The following LHFPL3 variants were observed in gnomAD, a reference collection of about 807,000 sequenced individuals.
LHFPL3 encodes LHFPL tetraspan subfamily member 3.
Under a neutral mutation model 19.3 loss-of-function variants are expected in LHFPL3, and 5 were observed. That is an observed-to-expected ratio of 0.26 (90% CI 0.14 to 0.54). The LOEUF (loss-of-function observed/expected upper bound fraction) is 0.54. LHFPL3 is among the 20% of genes least tolerant of loss of function. The pLI, the probability that LHFPL3 is intolerant of heterozygous loss-of-function variation, is 0.94. For synonymous variants in LHFPL3, 133 were observed against 126.2 expected, an observed-to-expected ratio of 1.05 and a Z score of -0.36; for missense variants, 249 against 307.4, an observed-to-expected ratio of 0.81 and a Z score of 1.42.
At chr7:104,338,093 C>CTTTTTTTTTTTTTTTT (rs71296520) in intron 1 of LHFPL3, among the ~76,000 whole-genome samples, 3 of 85,848 alleles carry the variant, frequency 3.5e-5, no homozygotes, top group African/African-American at 4.7e-5. Flanking sequence ...TTTCCTTTTT[C>CTTTTTTTTTTTTTTTT]TTTTTTTTTT....
intron 2 of LHFPL3, among the ~76,000 whole-genome samples, chr7:104,882,508 A>G (rs1022826664): frequency 2.0e-5 from 3 of 152,192 alleles, no homozygotes; most frequent in Non-Finnish European, 4.4e-5. Context: ...TTGGCCTCCC[A>G]AAGTGCTGGG....
At chr7:104,560,661 T>A (rs971973329) in intron 1 of LHFPL3, among the ~76,000 whole-genome samples, 2 of 151,248 alleles carry the variant, frequency 1.3e-5, no homozygotes, top group Non-Finnish European at 2.9e-5. Context: ...TTTTGAAGAG[T>A]TTTTTGTGTC....
chr7:104,422,950 G>T (rs1791762616), intron 1 of LHFPL3, among the ~76,000 whole-genome samples: 1 of 152,182 alleles, frequency 6.6e-6, no homozygotes, highest in East Asian at 1.9e-4. Flanking sequence ...AAGATTAATT[G>T]ATTCATTGAA....
At chr7:104,664,091 G>A (rs900768681) in intron 1 of LHFPL3, among the ~76,000 whole-genome samples, 2 of 152,122 alleles carry the variant, frequency 1.3e-5, no homozygotes, top group African/African-American at 4.8e-5. Context: ...AATGATTCTT[G>A]CCTGATAATA....
At chr7:104,599,147 T>A (rs1790918219) in intron 1 of LHFPL3, among the ~76,000 whole-genome samples, 1 of 152,218 alleles carries the variant, frequency 6.6e-6, no homozygotes, top group African/African-American at 2.4e-5. Flanking sequence ...GAGAAAACAT[T>A]ACTCTGGCTC....
At chr7:104,593,212 G>A (rs893592183) in intron 1 of LHFPL3, among the ~76,000 whole-genome samples, 2 of 152,036 alleles carry the variant, frequency 1.3e-5, no homozygotes, top group African/African-American at 4.8e-5. Flanking sequence ...TGTTTTGAGT[G>A]TGTCCCAGAG....
At chr7:104,682,823 G>T (rs1223770243) in intron 1 of LHFPL3, among the ~76,000 whole-genome samples, 4 of 152,084 alleles carry the variant, frequency 2.6e-5, no homozygotes, top group Non-Finnish European at 4.4e-5. Context: ...TTAATTCAGG[G>T]GGAATCATTT....
intron 1 of LHFPL3, among the ~76,000 whole-genome samples, chr7:104,432,339 C>T (rs1792018816): frequency 6.6e-6 from 1 of 152,166 alleles, no homozygotes; most frequent in Non-Finnish European, 1.5e-5. Context: ...AGAAGACTCC[C>T]TCTCATCAGT....
At chr7:104,732,734 C>T (rs539409109) in intron 1 of LHFPL3, among the ~76,000 whole-genome samples, 3 of 152,148 alleles carry the variant, frequency 2.0e-5, no homozygotes, top group South Asian at 4.2e-4. Flanking sequence ...TTCAGTTCTG[C>T]TCTCATCTTA....
intron 1 of LHFPL3, among the ~76,000 whole-genome samples, chr7:104,643,688 G>A (rs1440552698): frequency 1.3e-5 from 2 of 152,154 alleles, no homozygotes; most frequent in African/African-American, 4.8e-5. Flanking sequence ...GATGCAGCCT[G>A]GGCTTTTTAA....
At chr7:104,330,616 T>C (rs908397047) in intron 1 of LHFPL3, among the ~76,000 whole-genome samples, 1 of 152,160 alleles carries the variant, frequency 6.6e-6, no homozygotes, top group African/African-American at 2.4e-5. Context: ...TTGCCATATA[T>C]TGTAAAAGTG....
At chr7:104,654,713 GC>G (rs1792091505) in intron 1 of LHFPL3, among the ~76,000 whole-genome samples, 3 of 152,140 alleles carry the variant, frequency 2.0e-5, no homozygotes, top group Admixed American at 2.0e-4. Flanking sequence ...AGAACTAGGT[GC>G]CCCATGTTTT....
chr7:104,487,427 G>C (rs956140104), intron 1 of LHFPL3, among the ~76,000 whole-genome samples: 15 of 152,210 alleles, frequency 9.9e-5, no homozygotes, highest in African/African-American at 3.6e-4. Context: ...AGGAGCCACT[G>C]CTGAACAGGA....
chr7:104,529,060 C>T (rs1276550503), intron 1 of LHFPL3, among the ~76,000 whole-genome samples: 3 of 152,156 alleles, frequency 2.0e-5, no homozygotes, highest in African/African-American at 7.2e-5. Context: ...TTGACAGCTC[C>T]AGGCTCATAG....
chr7:104,430,855 G>A (rs1791990344), intron 1 of LHFPL3, among the ~76,000 whole-genome samples: 1 of 152,078 alleles, frequency 6.6e-6, no homozygotes, highest in Admixed American at 6.5e-5. Context: ...CATCTTTGCA[G>A]GTGCATAATG....
chr7:104,430,386 A>ATTTTTTTTTTTTTTTT (rs1200869852), intron 1 of LHFPL3, among the ~76,000 whole-genome samples: 1 of 41,970 alleles, frequency 2.4e-5, no homozygotes, highest in African/African-American at 1.6e-4. Context: ...ATATATACAT[A>ATTTTTTTTTTTTTTTT]TATATATATA....
chr7:104,445,434 T>C (rs1482299483), intron 1 of LHFPL3, among the ~76,000 whole-genome samples: 1 of 152,164 alleles, frequency 6.6e-6, no homozygotes, highest in Non-Finnish European at 1.5e-5. Context: ...ATTAAGAGTG[T>C]CTATTTTATA....
At chr7:104,587,802 G>C (rs1790612204) in intron 1 of LHFPL3, among the ~76,000 whole-genome samples, 1 of 151,978 alleles carries the variant, frequency 6.6e-6, no homozygotes, top group Non-Finnish European at 1.5e-5. Flanking sequence ...ACTTTTTAAT[G>C]ATCGCCATTC....
chr7:104,402,659 C>T (rs1216660395), intron 1 of LHFPL3, among the ~76,000 whole-genome samples: 1 of 152,228 alleles, frequency 6.6e-6, no homozygotes, highest in African/African-American at 2.4e-5. Context: ...ACCCAAGAGC[C>T]ACCCCCAGGG....
Sources: allele counts gnomAD v4.1 joint callset (sites outside exome capture counted in the v4.1 genomes callset), GRCh38; gene constraint gnomAD v4.1.1; transcripts MANE v1.5; gene names NCBI Gene and HGNC (gene_info 2026-07-23, HGNC 2026-07-21).